HCRTR2: variants seen among roughly 807,000 people sequenced by gnomAD.
The protein encoded by HCRTR2 is orexin receptor type 2.
A neutral mutation model predicts 49.0 loss-of-function variants in HCRTR2; 22 were observed. The observed-to-expected ratio is 0.45, with a 90% CI of 0.32 to 0.64. The LOEUF (loss-of-function observed/expected upper bound fraction) is 0.64. Among genes scored for constraint, HCRTR2 ranks in the 30% least tolerant of loss-of-function variants. The probability of loss-of-function intolerance (pLI) is 0.04; values close to 1 mark genes in which losing one functional copy is unlikely to be tolerated. For synonymous variants in HCRTR2, 236 were observed against 205.3 expected, an observed-to-expected ratio of 1.15 and a Z score of -1.28; for missense variants, 491 against 559.4, an observed-to-expected ratio of 0.88 and a Z score of 1.23.
intron 1 of HCRTR2, among the ~76,000 whole-genome samples, chr6:55,208,190 C>T (rs1181669025): frequency 6.6e-6 from 1 of 151,806 alleles, no homozygotes; most frequent in South Asian, 2.1e-4. Flanking sequence ...GAATGAATTA[C>T]TTGGCTGGGC....
At chr6:55,241,963 G>A (rs1368667410) in intron 1 of HCRTR2, among the ~76,000 whole-genome samples, 1 of 149,406 alleles carries the variant, frequency 6.7e-6, no homozygotes, top group African/African-American at 2.5e-5. Context: ...CCACCTCCCG[G>A]GTTCAAGCGA....
intron 1 of HCRTR2, among the ~76,000 whole-genome samples, chr6:55,164,826 A>C (rs989651532): frequency 3.1e-4 from 47 of 152,128 alleles, no homozygotes; most frequent in African/African-American, 1.0e-3. Context: ...TATATAAGTC[A>C]CTGGAGACCA....
intron 4 of HCRTR2, among the ~76,000 whole-genome samples, chr6:55,270,076 C>T (rs1036050376): frequency 2.0e-5 from 3 of 152,114 alleles, no homozygotes; most frequent in African/African-American, 4.8e-5. Flanking sequence ...ATTATGAATT[C>T]ACTGTATTGC....
At chr6:55,263,921 T>G (rs1581865439) in intron 4 of HCRTR2, 99 bp downstream of exon 4, 1 of 767,214 alleles carries the variant, frequency 1.3e-6, no homozygotes, top group Non-Finnish European at 2.3e-6. Flanking sequence ...TTTTTTAGGA[T>G]GCACTTATAA....
intron 4 of HCRTR2, among the ~76,000 whole-genome samples, chr6:55,271,170 C>A (rs889123416): frequency 6.6e-6 from 1 of 152,062 alleles, no homozygotes. Flanking sequence ...GTAACTAAGA[C>A]GGTGTGGTAC....
chr6:55,218,988 T>A (rs1023180026), intron 1 of HCRTR2, among the ~76,000 whole-genome samples: 14 of 151,918 alleles, frequency 9.2e-5, no homozygotes, highest in Admixed American at 2.6e-4. Context: ...CATACCCAGC[T>A]AATTTTTTAA....
In HCRTR2 at chr6:55,225,058, T is replaced by TC. The variant is rs538941501; in HGVS notation, c.224-23578dup. 1.9e-3 allele frequency among the ~76,000 whole-genome samples: 293 copies of TC among 152,272 alleles called. 1 individual carries two copies. Among genetic ancestry groups the TC allele is most frequent in the African/African-American group, 6.6e-3 (273 of 41,556 alleles). On this transcript the variant is annotated intron_variant, in intron 1 of 6. Transcript: ENST00000370862. ...TGAGGTAATACATTTTTTAATTAGC[T>TC]CCCTTTAGCCATTCCACAATGTATA...
rs1433011987 is a variant in HCRTR2, at chr6:55,248,635, T to C, written c.224-4T>C. 1.2e-6 allele frequency: 2 copies of C among 1,611,446 alleles called. No individual in the cohort carries two copies. The highest frequency in any genetic ancestry group is 1.7e-6 in the Non-Finnish European group (2 of 1,177,768). On this transcript the variant is annotated splice_region_variant and splice_polypyrimidine_tract_variant and intron_variant, in intron 1 of 6. Transcript: ENST00000370862. The stretch of plus-strand genomic sequence containing the variant: ...GTGCCTATTCCTTTTTCTTTTCAAA[T>C]TAGTTTGTGTGGCAGTGTGGAAGAA...
At chr6:55,252,762 G>A (rs1198906477) in intron 2 of HCRTR2, among the ~76,000 whole-genome samples, 1 of 152,026 alleles carries the variant, frequency 6.6e-6, no homozygotes, top group African/African-American at 2.4e-5. Context: ...GCAAAGGTTA[G>A]GCTTTCACTT....
chr6:55,184,620 G>T (rs974031079), intron 1 of HCRTR2, among the ~76,000 whole-genome samples: 3 of 152,228 alleles, frequency 2.0e-5, no homozygotes, highest in African/African-American at 7.2e-5. Context: ...CCCCAAGTGA[G>T]CCCTTAGGGA....
chr6:55,164,877 A>T (rs1287644538), intron 1 of HCRTR2, among the ~76,000 whole-genome samples: 3 of 152,228 alleles, frequency 2.0e-5, no homozygotes, highest in Non-Finnish European at 4.4e-5. Flanking sequence ...CAGATGGAGA[A>T]TTCAAAATAG....
At chr6:55,197,998 C>CA (rs1765448247) in intron 1 of HCRTR2, among the ~76,000 whole-genome samples, 1 of 152,270 alleles carries the variant, frequency 6.6e-6, no homozygotes, top group South Asian at 2.1e-4. Context: ...CCTGATTACT[C>CA]ACTACAAAGG....
chr6:55,204,354 T>C (rs1256522540), intron 1 of HCRTR2, among the ~76,000 whole-genome samples: 1 of 152,216 alleles, frequency 6.6e-6, no homozygotes, highest in Admixed American at 6.5e-5. Context: ...CTAACATAAT[T>C]TTTATTAATT....
intron 1 of HCRTR2, among the ~76,000 whole-genome samples, chr6:55,122,474 T>C (rs1467134901): frequency 3.9e-5 from 6 of 152,176 alleles, no homozygotes; most frequent in Admixed American, 6.6e-5. Flanking sequence ...TCAGTTCTGC[T>C]CTGACTTTAG....
At chr6:55,228,016 G>T (rs1766042799) in intron 1 of HCRTR2, among the ~76,000 whole-genome samples, 1 of 152,082 alleles carries the variant, frequency 6.6e-6, no homozygotes, top group Non-Finnish European at 1.5e-5. Context: ...TGGGCCTCAG[G>T]CATTGCAGTA....
intron 1 of HCRTR2, among the ~76,000 whole-genome samples, chr6:55,136,542 G>C (rs6920541): frequency 6.6e-6 from 1 of 151,918 alleles, no homozygotes; most frequent in Non-Finnish European, 1.5e-5. Context: ...ATAACTCTGC[G>C]TACACTGTGT....
chr6:55,174,870 AG>A, intron 1 of HCRTR2, 60 bp downstream of exon 1: 1 of 1,414,660 alleles, frequency 7.1e-7, no homozygotes, highest in Non-Finnish European at 1.0e-6. Flanking sequence ...CCCCGGGCTG[AG>A]AAGGCTCTAA....
chr6:55,175,744 G>A (rs1305598872), intron 1 of HCRTR2, among the ~76,000 whole-genome samples: 1 of 152,062 alleles, frequency 6.6e-6, no homozygotes, highest in Non-Finnish European at 1.5e-5. Flanking sequence ...TGGTGAGTGC[G>A]ATGATGGAAT....
At chr6:55,258,519 T>C (rs1766695183) in intron 3 of HCRTR2, among the ~76,000 whole-genome samples, 1 of 152,198 alleles carries the variant, frequency 6.6e-6, no homozygotes. Context: ...ATATTCATTA[T>C]TGCCTATTAC....
Sources: gnomAD v4.1 joint callset for allele counts (sites outside exome capture counted in the v4.1 genomes callset) on GRCh38, gnomAD v4.1.1 for gene constraint, MANE v1.5 for transcripts, NCBI Gene and HGNC (gene_info 2026-07-23, HGNC 2026-07-21) for gene names.